The following ARHGAP31 variants were observed in gnomAD, a reference collection of about 807,000 sequenced individuals.
ARHGAP31 encodes the protein Rho GTPase activating protein 31, also known as rho GTPase-activating protein 31.
A neutral mutation model predicts 113.9 loss-of-function variants in ARHGAP31; 34 were observed. The observed-to-expected ratio is 0.30, with a 90% CI of 0.23 to 0.40. ARHGAP31 has a LOEUF of 0.40. Ranked by LOEUF, ARHGAP31 falls within the 10% of genes least tolerant of loss-of-function variation. The pLI, the probability that ARHGAP31 is intolerant of heterozygous loss-of-function variation, is 1.00. For missense variants in ARHGAP31, 1,548 were observed against 1,767.1 expected, an observed-to-expected ratio of 0.88 and a Z score of 2.22; for synonymous variants, 650 against 684.8, an observed-to-expected ratio of 0.95 and a Z score of 0.79.
intron 3 of ARHGAP31, among the ~76,000 whole-genome samples, chr3:119,379,302 G>C (rs895270530): frequency 2.0e-5 from 3 of 152,206 alleles, no homozygotes; most frequent in Non-Finnish European, 4.4e-5. Flanking sequence ...TGGGGAAAAA[G>C]TGGGAGGGAT....
intron 1 of ARHGAP31, among the ~76,000 whole-genome samples, chr3:119,335,962 CAGG>C (rs1475775094): frequency 6.6e-6 from 1 of 152,154 alleles, no homozygotes; most frequent in Non-Finnish European, 1.5e-5. Flanking sequence ...CACTTGAGGT[CAGG>C]AGGTCGAGAC....
At chr3:119,325,942 G>A (rs926519475) in intron 1 of ARHGAP31, among the ~76,000 whole-genome samples, 5 of 152,190 alleles carry the variant, frequency 3.3e-5, no homozygotes, top group Admixed American at 6.5e-5. Context: ...TGTAATCCCA[G>A]CATTTTGGGA....
chr3:119,324,056 T>TCTTGCCATC (rs2079818602), intron 1 of ARHGAP31, among the ~76,000 whole-genome samples: 1 of 147,210 alleles, frequency 6.8e-6, no homozygotes, highest in African/African-American at 2.5e-5. Context: ...TAAGTGGGGC[T>TCTTGCCATC]CTTGCCATCC....
chr3:119,386,700 G>A (rs1318462280), intron 6 of ARHGAP31, among the ~76,000 whole-genome samples: 3 of 152,160 alleles, frequency 2.0e-5, no homozygotes, highest in Admixed American at 6.5e-5. Flanking sequence ...CCCAAATGTC[G>A]GGCTGCGCTG....
chr3:119,388,751 C>T (rs2107634676), intron 6 of ARHGAP31, among the ~76,000 whole-genome samples: 1 of 152,286 alleles, frequency 6.6e-6, no homozygotes, highest in Admixed American at 6.5e-5. Flanking sequence ...TTAGCTTGGG[C>T]ACTGGGTGGT....
At position 119,294,731 on chromosome 3, in the gene ARHGAP31, G is replaced by A. The variant is rs2079517237; in HGVS notation, c.-174G>A. The A allele has an allele frequency of 3.0e-6, 2 of 662,484 alleles. No homozygotes were observed. The highest frequency in any genetic ancestry group is 2.7e-6 in the Non-Finnish European group (1 of 373,414). The allele number at this position is 662,484 out of a possible 1,614,324, so 41.0% of individuals were successfully genotyped here. ...CGCGGGGTGGATCTCAGGCTCTGCC[G>A]GCCCGCGGCCCGCGGGGTCCATGCG... On this transcript the variant is annotated 5_prime_UTR_variant, in exon 1 of 12. Transcript: ENST00000264245.
rs549868922 is a variant in ARHGAP31 at position 119,348,371 on chromosome 3, C to T, written c.101-16945C>T. 1.7e-4 allele frequency among the ~76,000 whole-genome samples: 26 copies of T among 152,110 alleles called. No individual in the cohort carries two copies. In the South Asian group the frequency reaches 3.8e-3, roughly 22 times the overall value. ...ATGGAAAAATTGTCTTCCACGAAAC[C>T]GGTCCCCGGTGCCAAAAAGGTCTGG... On this transcript the variant is annotated intron_variant, in intron 1 of 11. Transcript: ENST00000264245.
At chr3:119,341,780 A>T (rs1448884555) in intron 1 of ARHGAP31, 1 of 151,892 alleles carries the variant, frequency 6.6e-6, no homozygotes, top group Non-Finnish European at 1.5e-5. Flanking sequence ...TGTGTGTAAG[A>T]CATTCCTGCT....
chr3:119,346,148 C>G (rs1028241939), intron 1 of ARHGAP31, among the ~76,000 whole-genome samples: 4 of 152,334 alleles, frequency 2.6e-5, no homozygotes, highest in Non-Finnish European at 4.4e-5. Context: ...CACCAGGGGC[C>G]CTAGCCTGAG....
At chr3:119,359,788 A>C (rs1443159704) in intron 1 of ARHGAP31, among the ~76,000 whole-genome samples, 1 of 152,156 alleles carries the variant, frequency 6.6e-6, no homozygotes, top group East Asian at 1.9e-4. Flanking sequence ...ATGAGGAAGT[A>C]ATGTAAATCT....
intron 3 of ARHGAP31, among the ~76,000 whole-genome samples, chr3:119,377,919 T>C (rs955272969): frequency 3.9e-5 from 6 of 152,138 alleles, no homozygotes; most frequent in Non-Finnish European, 8.8e-5. Context: ...ACTGTCTGCG[T>C]TGGGCCACCC....
chr3:119,357,112 T>C (rs2080165105), intron 1 of ARHGAP31, among the ~76,000 whole-genome samples: 1 of 152,190 alleles, frequency 6.6e-6, no homozygotes, highest in African/African-American at 2.4e-5. Context: ...GATATATCAG[T>C]GCAGTTTTAA....
chr3:119,384,757 C>T (rs2080434622), intron 6 of ARHGAP31, among the ~76,000 whole-genome samples: 1 of 152,180 alleles, frequency 6.6e-6, no homozygotes, highest in African/African-American at 2.4e-5. Flanking sequence ...AACACATGAA[C>T]TTTGGGGGAC....
chr3:119,333,691 A>G lies in ARHGAP31; in HGVS notation c.101-31625A>G, dbSNP rs74599489. Among the ~76,000 whole-genome samples the G allele has an allele frequency of 7.3e-3, 1,106 of 152,284 alleles. 8 individuals carry two copies. Among genetic ancestry groups the G allele is most frequent in the Non-Finnish European group, 9.3e-3 (630 of 68,012 alleles). On this transcript the variant is annotated intron_variant, in intron 1 of 11. Transcript: ENST00000264245. ...CTCAGGGAGGTGAAGTGACTTACCT[A>G]AAAATTCAGAGTCAGGAAGAGGCAG...
intron 1 of ARHGAP31, among the ~76,000 whole-genome samples, chr3:119,347,593 G>T (rs1386684741): frequency 1.3e-5 from 2 of 152,106 alleles, no homozygotes; most frequent in Non-Finnish European, 2.9e-5. Context: ...GCCTCCTTGG[G>T]TACAAGCTCA....
At chr3:119,382,149 A>C in intron 4 of ARHGAP31, 143 bp from the exon 5 acceptor site, 1 of 905,782 alleles carries the variant, frequency 1.1e-6, no homozygotes, top group Non-Finnish European at 1.8e-6. Context: ...TACTTCTGTC[A>C]ATCTTGACAT....
At chr3:119,339,916 T>C (rs77854978) in intron 1 of ARHGAP31, among the ~76,000 whole-genome samples, 8 of 152,176 alleles carry the variant, frequency 5.3e-5, no homozygotes, top group East Asian at 1.9e-4. Context: ...AAGGGAAAAA[T>C]TGATCAACTG....
rs150910245 is a variant in ARHGAP31, at chr3:119,356,798, T to C, written c.101-8518T>C. Among the ~76,000 whole-genome samples, 35 of 152,346 alleles carry C rather than the reference T, an allele frequency of 2.3e-4. No individual in the cohort carries two copies. The East Asian group carries it at 6.7e-3, about 29-fold the overall frequency. On this transcript the variant is annotated intron_variant, in intron 1 of 11. Coordinates refer to ENST00000264245, the MANE Select transcript of ARHGAP31 (RefSeq NM_020754.4). Reference sequence around the variant, plus strand: ...TATGTGAATCTTCCATTATTTATGTTAGCAACCTGCTGTTGATGACAATCT... The same window carrying C: ...TATGTGAATCTTCCATTATTTATGTCAGCAACCTGCTGTTGATGACAATCT...
At chr3:119,330,460 C>A (rs2079882673) in intron 1 of ARHGAP31, among the ~76,000 whole-genome samples, 1 of 152,186 alleles carries the variant, frequency 6.6e-6, no homozygotes, top group South Asian at 2.1e-4. Context: ...GGATAAGAAC[C>A]ATGACTCCTG....
Sources: allele counts gnomAD v4.1 joint callset (sites outside exome capture counted in the v4.1 genomes callset), GRCh38; gene constraint gnomAD v4.1.1; transcripts MANE v1.5; gene names NCBI Gene and HGNC (gene_info 2026-07-23, HGNC 2026-07-21).